Variants in HECW1 observed in about 807,000 individuals in gnomAD.
HECW1 encodes the protein E3 ubiquitin-protein ligase HECW1.
A neutral mutation model predicts 182.3 loss-of-function variants in HECW1; 61 were observed. The observed-to-expected ratio is 0.33, with a 90% CI of 0.27 to 0.41. The LOEUF is 0.41. HECW1 is among the 10% of genes least tolerant of loss of function. HECW1 has a pLI of 1.00. For synonymous variants in HECW1, 859 were observed against 832.6 expected, an observed-to-expected ratio of 1.03 and a Z score of -0.55; for missense variants, 1,739 against 2,108.9, an observed-to-expected ratio of 0.82 and a Z score of 3.44.
chr7:43,119,951 C>T (rs1022670385), intron 2 of HECW1, among the ~76,000 whole-genome samples: 7 of 152,186 alleles, frequency 4.6e-5, no homozygotes, highest in African/African-American at 9.7e-5. Context: ...GCAGCCCAAA[C>T]GAGCCTTTAA....
In HECW1 at chr7:43,501,300, T is replaced by C. The variant is rs768564322; in HGVS notation, c.3609T>C (p.Cys1203=). ...GCTTCTCTCCCCGATGTTCACCCTGTTCTTCACCTCAGAACTCCCCAGGTA... is the reference window on the plus strand; with the variant it reads ...GCTTCTCTCCCCGATGTTCACCCTGCTCTTCACCTCAGAACTCCCCAGGTA... ...GYSFSPRCSP[C]SSPQNSPGLQ... Residue 1203 remains cysteine (C), a synonymous_variant, in exon 21 of 30, where the codon TGT becomes TGC. Coordinates refer to ENST00000395891, the MANE Select transcript of HECW1 (RefSeq NM_015052.5). The C allele has an allele frequency of 1.9e-6, 3 of 1,608,080 alleles. No homozygotes were observed. Among genetic ancestry groups the C allele is most frequent in the Non-Finnish European group, 2.6e-6 (3 of 1,174,784 alleles).
At chr7:43,134,089 T>G (rs1004172024) in intron 2 of HECW1, among the ~76,000 whole-genome samples, 3 of 152,114 alleles carry the variant, frequency 2.0e-5, no homozygotes, top group African/African-American at 7.2e-5. Flanking sequence ...GCCCAAGTGT[T>G]TCATTCTTAA....
chr7:43,366,368 A>T (rs999768792), intron 6 of HECW1, among the ~76,000 whole-genome samples: 3 of 152,156 alleles, frequency 2.0e-5, no homozygotes, highest in Non-Finnish European at 4.4e-5. Flanking sequence ...CCCAAATTCT[A>T]GGTCATTACC....
intron 6 of HECW1, among the ~76,000 whole-genome samples, chr7:43,379,020 C>T (rs2074442960): frequency 6.6e-6 from 1 of 152,164 alleles, no homozygotes; most frequent in South Asian, 2.1e-4. Context: ...CACACAAGCA[C>T]TGTGTTGGAC....
chr7:43,359,809 AT>A (rs1242549773), intron 5 of HECW1, among the ~76,000 whole-genome samples: 1 of 152,216 alleles, frequency 6.6e-6, no homozygotes, highest in Non-Finnish European at 1.5e-5. Context: ...GATTTCTCAT[AT>A]TGTTTCAAAC....
chr7:43,500,860 G>T, intron 20 of HECW1, 78 bp downstream of exon 20: 1 of 1,217,382 alleles, frequency 8.2e-7, no homozygotes, highest in Middle Eastern at 1.9e-4. Context: ...CCTGAAAATG[G>T]CCTAGACTGA....
At chr7:43,131,578 T>C (rs1316915150) in intron 2 of HECW1, among the ~76,000 whole-genome samples, 2 of 152,232 alleles carry the variant, frequency 1.3e-5, no homozygotes, top group African/African-American at 2.4e-5. Flanking sequence ...AAAGCAGAAC[T>C]GATGAATCAA....
chr7:43,427,492 T>A (rs1047554576), intron 8 of HECW1, among the ~76,000 whole-genome samples: 5 of 152,236 alleles, frequency 3.3e-5, no homozygotes, highest in Admixed American at 1.3e-4. Flanking sequence ...TGTCAACAAA[T>A]AACTGCATAT....
chr7:43,476,852 T>A (rs2152904956), intron 16 of HECW1, among the ~76,000 whole-genome samples: 1 of 152,248 alleles, frequency 6.6e-6, no homozygotes, highest in Middle Eastern at 3.4e-3. Context: ...AGTTAAACAC[T>A]TAACTGACCC....
At chr7:43,462,136 A>G (rs547214717) in intron 13 of HECW1, among the ~76,000 whole-genome samples, 16 of 152,138 alleles carry the variant, frequency 1.1e-4, no homozygotes, top group African/African-American at 3.9e-4. Flanking sequence ...GTGCTTTCCC[A>G]CCTGGGACTG....
intron 3 of HECW1, among the ~76,000 whole-genome samples, chr7:43,286,709 A>C (rs1354599812): frequency 6.6e-6 from 1 of 151,984 alleles, no homozygotes; most frequent in African/African-American, 2.4e-5. Context: ...GAGGGATATC[A>C]CCAACCAAGG....
At chr7:43,184,494 A>G (rs1328934962) in intron 2 of HECW1, among the ~76,000 whole-genome samples, 1 of 152,190 alleles carries the variant, frequency 6.6e-6, no homozygotes, top group Non-Finnish European at 1.5e-5. Flanking sequence ...AATCTCTGGA[A>G]TAATAAGAGT....
At chr7:43,189,368 A>T (rs186566197) in intron 2 of HECW1, among the ~76,000 whole-genome samples, 7 of 146,426 alleles carry the variant, frequency 4.8e-5, no homozygotes, top group Non-Finnish European at 7.6e-5. Flanking sequence ...CTCAGGCGAT[A>T]GGGACATTGC....
intron 3 of HECW1, among the ~76,000 whole-genome samples, chr7:43,282,116 C>T (rs1803996893): frequency 6.6e-6 from 1 of 152,234 alleles, no homozygotes; most frequent in African/African-American, 2.4e-5. Context: ...CATGTATTTA[C>T]AGCAGGAGCA....
At chr7:43,158,939 C>T (rs1403335116) in intron 2 of HECW1, among the ~76,000 whole-genome samples, 1 of 152,136 alleles carries the variant, frequency 6.6e-6, no homozygotes, top group African/African-American at 2.4e-5. Context: ...TGTTAAAATA[C>T]AGATTGCTGG....
chr7:43,341,145 C>A (rs1178778657), intron 5 of HECW1, among the ~76,000 whole-genome samples: 2 of 151,170 alleles, frequency 1.3e-5, no homozygotes, highest in Non-Finnish European at 2.9e-5. Flanking sequence ...AATATCACAC[C>A]CCAGGGTCTG....
rs116454093 is a variant in HECW1 at position 43,320,817 on chromosome 7, C to T, written c.460+75C>T. 3,187 of 1,069,486 alleles carry T rather than the reference C, an allele frequency of 3.0e-3. 63 individuals are homozygous for T. The African/African-American group carries it at 0.042, about 14-fold the overall frequency. 66.2% of individuals were successfully genotyped at this position (1,069,486 alleles called of 1,614,324 possible). ...ATTCAACTGTTTCATTATTTGTTCCCGTTGCACTGCCTCCACTAAGAAATG... is the reference window on the plus strand; with the variant it reads ...ATTCAACTGTTTCATTATTTGTTCCTGTTGCACTGCCTCCACTAAGAAATG... On this transcript the variant is annotated intron_variant, in intron 5 of 29. Transcript: ENST00000395891.
At chr7:43,359,216 A>G (rs146307707) in intron 5 of HECW1, among the ~76,000 whole-genome samples, 7 of 152,342 alleles carry the variant, frequency 4.6e-5, no homozygotes, top group African/African-American at 1.4e-4. Context: ...ATGTTTAGCT[A>G]CATATAACAG....
At chr7:43,427,553 C>G (rs2076400362) in intron 8 of HECW1, among the ~76,000 whole-genome samples, 1 of 152,202 alleles carries the variant, frequency 6.6e-6, no homozygotes, top group South Asian at 2.1e-4. Context: ...ATTTAGACTA[C>G]TGCGTTAGGT....
Sources: allele counts gnomAD v4.1 joint callset (sites outside exome capture counted in the v4.1 genomes callset), GRCh38; gene constraint gnomAD v4.1.1; transcripts MANE v1.5; gene names NCBI Gene and HGNC (gene_info 2026-07-23, HGNC 2026-07-21).